AFF1: variants seen among roughly 807,000 people sequenced by gnomAD.
The protein encoded by AFF1 is AF4/FMR2 family member 1.
Under a neutral mutation model 121.7 loss-of-function variants are expected in AFF1, and 48 were observed. That is an observed-to-expected ratio of 0.39 (90% CI 0.31 to 0.50). The LOEUF is 0.50. AFF1 is among the 20% of genes least tolerant of loss of function. The pLI is 0.76. For missense variants in AFF1, 1,523 were observed against 1,511.7 expected (o/e 1.01, Z -0.12); for synonymous variants, 613 against 563.0 (o/e 1.09, Z -1.26).
chr4:87,103,732 T>C (rs917998730), intron 8 of AFF1, among the ~76,000 whole-genome samples: 1 of 152,220 alleles, frequency 6.6e-6, no homozygotes, highest in African/African-American at 2.4e-5. Context: ...GGAAGTTAGA[T>C]GTTTGGTAGC....
intron 11 of AFF1, among the ~76,000 whole-genome samples, chr4:87,109,537 A>G (rs144739376): frequency 5.9e-5 from 9 of 152,308 alleles, no homozygotes; most frequent in Middle Eastern, 3.4e-3. Context: ...TAATTTTTCT[A>G]TGCCTCAGGG....
rs1339196102 is a variant in AFF1 at position 87,091,842 on chromosome 4, G to A, written c.1228+13G>A. 6 of 1,552,344 alleles carry A rather than the reference G, an allele frequency of 3.9e-6. No individual in the cohort carries two copies. The highest frequency in any genetic ancestry group is 4.4e-6 in the Non-Finnish European group (5 of 1,147,566). On this transcript the variant is annotated intron_variant, in intron 7 of 20. Coordinates refer to ENST00000395146, the MANE Select transcript of AFF1 (RefSeq NM_001166693.3). ...ACCCAAAACCAAAGTAAGTAAATTT[G>A]AAACTGCTTATTGGATTGGAGAACA...
chr4:87,014,638 G>A (rs1727125788), intron 2 of AFF1, among the ~76,000 whole-genome samples: 1 of 152,120 alleles, frequency 6.6e-6, no homozygotes, highest in African/African-American at 2.4e-5. Flanking sequence ...AAAATATGAA[G>A]CACAACTTAA....
intron 12 of AFF1, among the ~76,000 whole-genome samples, chr4:87,122,793 G>A (rs16930): frequency 0.43 from 63,073 of 146,604 alleles, 13,479 homozygotes; most frequent in East Asian, 0.58. Context: ...GTGCTGTCAA[G>A]TAGAAATAGA....
rs955342084 is a variant in AFF1, at chr4:87,015,163, A to AT, written c.39-30997dup. Among the ~76,000 whole-genome samples the AT allele has an allele frequency of 5.3e-5, 8 of 152,202 alleles. 1 individual carries two copies. The South Asian group carries it at 1.5e-3, about 28-fold the overall frequency. On this transcript the variant is annotated intron_variant, in intron 2 of 20. Coordinates refer to ENST00000395146, the MANE Select transcript of AFF1 (RefSeq NM_001166693.3). ...GTAAGCTAAAGCTCTGTCCTTTTAT[A>AT]TTTTTTCAGGTAATTTTGACCTAGC...
intron 2 of AFF1, among the ~76,000 whole-genome samples, chr4:87,040,006 C>G (rs1227978443): frequency 6.6e-6 from 1 of 152,098 alleles, no homozygotes; most frequent in East Asian, 1.9e-4. Flanking sequence ...ATTCTCCTGC[C>G]TCAGCCTCCC....
At chr4:87,013,745 G>A (rs1366206542) in intron 2 of AFF1, among the ~76,000 whole-genome samples, 1 of 151,640 alleles carries the variant, frequency 6.6e-6, no homozygotes, top group African/African-American at 2.4e-5. Context: ...CTATTTTAGG[G>A]GCAATATGGT....
chr4:87,055,829 T>C (rs552762079), intron 4 of AFF1, among the ~76,000 whole-genome samples: 1 of 152,320 alleles, frequency 6.6e-6, no homozygotes, highest in African/African-American at 2.4e-5. Context: ...CATAATAATT[T>C]ATTTTTTGGT....
chr4:87,117,468 C>T (rs1056706598), intron 12 of AFF1, among the ~76,000 whole-genome samples: 6 of 152,206 alleles, frequency 3.9e-5, no homozygotes, highest in African/African-American at 1.4e-4. Flanking sequence ...GCCTTTAGCA[C>T]TGATGACGGG....
intron 15 of AFF1, 58 bp downstream of exon 15, chr4:87,127,175 CA>C (rs146011121): frequency 0.14 from 173,395 of 1,198,030 alleles, 15,737 homozygotes; most frequent in African/African-American, 0.17. Context: ...TTCCCCCCCC[CA>C]CCAAGATAGA....
At chr4:87,023,142 C>T (rs1254479093) in intron 2 of AFF1, among the ~76,000 whole-genome samples, 1 of 152,010 alleles carries the variant, frequency 6.6e-6, no homozygotes, top group Non-Finnish European at 1.5e-5. Context: ...CTCAGGTGAT[C>T]CTACCACTTT....
chr4:87,025,044 T>C (rs1728390502), intron 2 of AFF1, among the ~76,000 whole-genome samples: 1 of 152,250 alleles, frequency 6.6e-6, no homozygotes, highest in Admixed American at 6.5e-5. Flanking sequence ...GATCCCCTTT[T>C]TTCACAAGGT....
Position 87,115,001 on chromosome 4 carries a change from G to C in AFF1, c.2168G>C (p.Gly723Ala), listed in dbSNP as rs753022715. 1.2e-5 allele frequency: 20 copies of C among 1,613,712 alleles called. No homozygotes were observed. Among genetic ancestry groups the C allele is most frequent in the Non-Finnish European group, 1.4e-5 (17 of 1,179,866 alleles). The change falls in exon 12 of 21, where the codon GGC becomes GCC. Residue 723 changes from glycine (G) to alanine (A), a missense_variant. By Grantham distance (60) the Gly-to-Ala change is moderately conservative (BLOSUM62 0). Transcript: ENST00000395146. Reference sequence around the variant, plus strand: ...GAGAGCCAGGGCCCACCCCACAGTGGCAGCGGCAGCAGGACTAGTGGCTGC... The same window carrying C: ...GAGAGCCAGGGCCCACCCCACAGTGCCAGCGGCAGCAGGACTAGTGGCTGC... ...LTESQGPPHS[G>A]SGSRTSGCRQ... is the part of the protein sequence containing the mutation.
chr4:87,005,339 A>G (rs1051578239), intron 2 of AFF1, among the ~76,000 whole-genome samples: 2 of 152,220 alleles, frequency 1.3e-5, no homozygotes, highest in Non-Finnish European at 2.9e-5. Flanking sequence ...ATCTTCTCAT[A>G]TAACTTTCAT....
chr4:86,947,146 G>A (rs1720926635), intron 1 of AFF1, among the ~76,000 whole-genome samples: 1 of 152,186 alleles, frequency 6.6e-6, no homozygotes, highest in African/African-American at 2.4e-5. Context: ...GACTAGTGGG[G>A]ATTGAGTTGG....
At chr4:86,984,204 G>T (rs532027502) in intron 2 of AFF1, among the ~76,000 whole-genome samples, 1 of 152,004 alleles carries the variant, frequency 6.6e-6, no homozygotes, top group South Asian at 2.1e-4. Context: ...AATTTTTCCT[G>T]TTGATGATTA....
intron 2 of AFF1, among the ~76,000 whole-genome samples, chr4:86,980,600 T>A (rs1341354514): frequency 6.6e-6 from 1 of 152,226 alleles, no homozygotes; most frequent in East Asian, 1.9e-4. Flanking sequence ...CTAAGAGATA[T>A]TATTTTTTAA....
At chr4:87,037,098 G>C (rs1729645807) in intron 2 of AFF1, among the ~76,000 whole-genome samples, 1 of 152,116 alleles carries the variant, frequency 6.6e-6, no homozygotes, top group Non-Finnish European at 1.5e-5. Flanking sequence ...TCTAATGAGA[G>C]TTACTGCAAA....
At chr4:87,059,646 G>A (rs1417664179) in intron 4 of AFF1, among the ~76,000 whole-genome samples, 1 of 152,158 alleles carries the variant, frequency 6.6e-6, no homozygotes, top group African/African-American at 2.4e-5. Context: ...AGGACAGAAA[G>A]CCAGATGTGT....
Sources: gnomAD v4.1 joint callset for allele counts (sites outside exome capture counted in the v4.1 genomes callset) on GRCh38, gnomAD v4.1.1 for gene constraint, MANE v1.5 for transcripts, NCBI Gene and HGNC (gene_info 2026-07-23, HGNC 2026-07-21) for gene names.